The following HECW2 variants were observed in gnomAD, a reference collection of about 807,000 sequenced individuals.
HECW2 encodes the protein E3 ubiquitin-protein ligase HECW2.
In HECW2, 61 loss-of-function variants were observed where a neutral mutation model predicts 175.2. The observed-to-expected ratio is 0.35, with a 90% CI of 0.28 to 0.43. The LOEUF (loss-of-function observed/expected upper bound fraction) is 0.43, where lower values mean the gene tolerates loss of function less well. HECW2 is among the 20% of genes least tolerant of loss of function. The probability of loss-of-function intolerance (pLI) is 1.00; values close to 1 mark genes in which losing one functional copy is unlikely to be tolerated. For missense variants in HECW2, 1,524 were observed against 2,000.5 expected, an observed-to-expected ratio of 0.76 and a Z score of 4.54; for synonymous variants, 671 against 731.0, an observed-to-expected ratio of 0.92 and a Z score of 1.32.
intron 2 of HECW2, among the ~76,000 whole-genome samples, chr2:196,368,674 T>G (rs1693822319): frequency 6.6e-6 from 1 of 152,124 alleles, no homozygotes; most frequent in South Asian, 2.1e-4. Context: ...TTTATTCTTT[T>G]TTGTCTCCTC....
intron 25 of HECW2, 35 bp from the exon 26 acceptor site, chr2:196,220,188 G>A (rs747056678): frequency 3.0e-6 from 4 of 1,343,118 alleles, no homozygotes; most frequent in East Asian, 2.3e-5. Flanking sequence ...CATGGCTTAG[G>A]AGCCTGGAGA....
intron 1 of HECW2, among the ~76,000 whole-genome samples, chr2:196,448,835 G>C (rs1222135792): frequency 6.6e-6 from 1 of 152,198 alleles, no homozygotes; most frequent in Non-Finnish European, 1.5e-5. Context: ...AGGCCTGAAG[G>C]AGTAGCTCTG....
At chr2:196,431,613 G>T (rs1027898402) in intron 2 of HECW2, among the ~76,000 whole-genome samples, 5 of 152,128 alleles carry the variant, frequency 3.3e-5, no homozygotes, top group Admixed American at 1.3e-4. Flanking sequence ...GCAAAAGAGT[G>T]AAATTACATT....
intron 13 of HECW2, among the ~76,000 whole-genome samples, chr2:196,305,676 G>T (rs1408114188): frequency 6.6e-6 from 1 of 151,968 alleles, no homozygotes; most frequent in Non-Finnish European, 1.5e-5. Context: ...TAATACTCAA[G>T]GTCAACTTCT....
chr2:196,453,607 T>G (rs1189362371), intron 1 of HECW2, among the ~76,000 whole-genome samples: 1 of 152,238 alleles, frequency 6.6e-6, no homozygotes, highest in Non-Finnish European at 1.5e-5. Context: ...AAATGCAGCT[T>G]AAAATATCAT....
intron 2 of HECW2, among the ~76,000 whole-genome samples, chr2:196,344,563 G>A (rs1272619605): frequency 6.6e-6 from 1 of 152,072 alleles, no homozygotes; most frequent in African/African-American, 2.4e-5. Context: ...GCACCCTGAG[G>A]ACTGGGGATT....
At chr2:196,401,007 T>C (rs1694802706) in intron 2 of HECW2, among the ~76,000 whole-genome samples, 1 of 152,254 alleles carries the variant, frequency 6.6e-6, no homozygotes, top group Non-Finnish European at 1.5e-5. Flanking sequence ...TTTCGTTTCA[T>C]GATTAATAAC....
At chr2:196,434,750 T>A (rs550539682) in intron 1 of HECW2, among the ~76,000 whole-genome samples, 3 of 152,340 alleles carry the variant, frequency 2.0e-5, no homozygotes, top group South Asian at 4.1e-4. Context: ...ATGCCATGTT[T>A]CATCTCAGGG....
chr2:196,383,321 C>G (rs1422246320), intron 2 of HECW2, among the ~76,000 whole-genome samples: 1 of 152,136 alleles, frequency 6.6e-6, no homozygotes, highest in African/African-American at 2.4e-5. Flanking sequence ...GCCAAGTCCA[C>G]AGCTAGAAAT....
At chr2:196,320,068 T>C (rs1691883018) in intron 8 of HECW2, 164 bp from the exon 9 acceptor site, 1 of 742,894 alleles carries the variant, frequency 1.3e-6, no homozygotes, top group Non-Finnish European at 2.1e-6. Flanking sequence ...AGGAGACTGC[T>C]AGTCAGCTTG....
At chr2:196,519,538 A>G (rs1028159197) in intron 1 of HECW2, among the ~76,000 whole-genome samples, 18 of 152,238 alleles carry the variant, frequency 1.2e-4, no homozygotes, top group Non-Finnish European at 2.1e-4. Flanking sequence ...GTAATGCTTT[A>G]TACCAGAAAA....
At chr2:196,370,944 C>G (rs550385835) in intron 2 of HECW2, among the ~76,000 whole-genome samples, 1 of 152,188 alleles carries the variant, frequency 6.6e-6, no homozygotes, top group African/African-American at 2.4e-5. Flanking sequence ...TCTCTCCTAC[C>G]CTGTTCAATG....
chr2:196,427,329 T>C (rs965860518), intron 2 of HECW2, among the ~76,000 whole-genome samples: 13 of 150,866 alleles, frequency 8.6e-5, no homozygotes, highest in Non-Finnish European at 1.9e-4. Context: ...TAAATAATTG[T>C]CTTAATGTGC....
At chr2:196,295,142 G>A (rs2105652924) in intron 13 of HECW2, among the ~76,000 whole-genome samples, 1 of 152,274 alleles carries the variant, frequency 6.6e-6, no homozygotes, top group East Asian at 1.9e-4. Flanking sequence ...AGGAGGTTTT[G>A]ATGGCTGTGA....
At chr2:196,220,269 T>A in intron 25 of HECW2, 116 bp from the exon 26 acceptor site, 1 of 672,496 alleles carries the variant, frequency 1.5e-6, no homozygotes, top group Non-Finnish European at 2.6e-6. Flanking sequence ...GTGTACCTTG[T>A]GTTGGCACTT....
chr2:196,419,357 T>C (rs1225862107), intron 2 of HECW2, among the ~76,000 whole-genome samples: 2 of 152,166 alleles, frequency 1.3e-5, no homozygotes, highest in Non-Finnish European at 2.9e-5. Context: ...TTCAAGTACA[T>C]CTGCAAACCC....
intron 2 of HECW2, among the ~76,000 whole-genome samples, chr2:196,360,999 C>T (rs990732229): frequency 5.3e-5 from 8 of 152,182 alleles, no homozygotes; most frequent in Non-Finnish European, 1.2e-4. Context: ...ATGCCAGTTG[C>T]ACCCTACATG....
In HECW2 at chr2:196,500,778, T is replaced by C. The variant is rs554592247; in HGVS notation, c.-35-67320A>G. On this transcript the variant is annotated intron_variant, in intron 1 of 28. Transcript: ENST00000644978. ...ACTATACTGGATTTCAAGGACAACC[T>C]ACCACACCTCCATTTCTTGTCTGTA... Among the ~76,000 whole-genome samples, 194 of 152,320 alleles carry C rather than the reference T, an allele frequency of 1.3e-3. 1 individual carries two copies. The highest frequency in any genetic ancestry group is 2.4e-3 in the Non-Finnish European group (165 of 68,030).
At chr2:196,577,166 A>G (rs1313332116) in intron 1 of HECW2, among the ~76,000 whole-genome samples, 1 of 152,208 alleles carries the variant, frequency 6.6e-6, no homozygotes, top group Non-Finnish European at 1.5e-5. Context: ...CCAGGTTCAT[A>G]TACACCACAT....
Sources: gnomAD v4.1 joint callset for allele counts (sites outside exome capture counted in the v4.1 genomes callset) on GRCh38, gnomAD v4.1.1 for gene constraint, MANE v1.5 for transcripts, NCBI Gene and HGNC (gene_info 2026-07-23, HGNC 2026-07-21) for gene names.